Variants in ATP8A2 observed in about 807,000 individuals in gnomAD.
ATP8A2 encodes phospholipid-transporting ATPase IB.
Under a neutral mutation model 165.6 loss-of-function variants are expected in ATP8A2, and 100 were observed. The observed-to-expected ratio is 0.60, with a 90% confidence interval of 0.51 to 0.71. The LOEUF is 0.71. Ranked by LOEUF, ATP8A2 falls within the 30% of genes least tolerant of loss-of-function variation. The pLI, the probability that ATP8A2 is intolerant of heterozygous loss-of-function variation, is 0.00. For synonymous variants in ATP8A2, 543 were observed against 548.8 expected (o/e 0.99, Z 0.15); for missense variants, 1,227 against 1,479.5 (o/e 0.83, Z 2.80).
At chr13:25,786,054 G>A (rs1178641238) in intron 27 of ATP8A2, among the ~76,000 whole-genome samples, 3 of 152,160 alleles carry the variant, frequency 2.0e-5, no homozygotes, top group Non-Finnish European at 4.4e-5. Context: ...CAAGTAAAAT[G>A]TAATTATTTA....
intron 24 of ATP8A2, among the ~76,000 whole-genome samples, chr13:25,682,023 G>C (rs2042498775): frequency 6.6e-6 from 1 of 152,134 alleles, no homozygotes; most frequent in South Asian, 2.1e-4. Flanking sequence ...ATGCACTGAA[G>C]AAAAACGCGT....
At chr13:25,866,917 C>T (rs762390752) in intron 33 of ATP8A2, among the ~76,000 whole-genome samples, 3 of 152,158 alleles carry the variant, frequency 2.0e-5, no homozygotes, top group Admixed American at 6.6e-5. Context: ...CGGTGACCAC[C>T]GTAAGGGCAG....
intron 35 of ATP8A2, among the ~76,000 whole-genome samples, chr13:26,002,539 A>G (rs1224841770): frequency 1.3e-5 from 2 of 151,236 alleles, no homozygotes; most frequent in Non-Finnish European, 2.9e-5. Context: ...GGCTGTGCAC[A>G]TGTACCCTAG....
chr13:25,479,690 C>T (rs1006080771), intron 2 of ATP8A2, among the ~76,000 whole-genome samples: 2 of 151,958 alleles, frequency 1.3e-5, no homozygotes, highest in Admixed American at 6.6e-5. Context: ...GTGGTGATGA[C>T]TCTTAAGGAG....
chr13:25,920,216 C>G (rs545927094), intron 33 of ATP8A2, among the ~76,000 whole-genome samples: 66 of 152,292 alleles, frequency 4.3e-4, no homozygotes, highest in Admixed American at 9.8e-4. Context: ...GGGTTCTACA[C>G]CTCAGCATTG....
At chr13:25,847,508 G>A (rs571211509) in intron 30 of ATP8A2, among the ~76,000 whole-genome samples, 38 of 152,224 alleles carry the variant, frequency 2.5e-4, no homozygotes, top group African/African-American at 7.0e-4. Flanking sequence ...TCTGTGTTGC[G>A]CGTATTTTAG....
At chr13:25,739,488 GA>G (rs1457372613) in intron 25 of ATP8A2, among the ~76,000 whole-genome samples, 3 of 152,084 alleles carry the variant, frequency 2.0e-5, no homozygotes, top group African/African-American at 7.2e-5. Context: ...ATATAACGTA[GA>G]GGGAGGTTTT....
chr13:25,727,465 T>C (rs1471338406), intron 25 of ATP8A2, among the ~76,000 whole-genome samples: 3 of 152,130 alleles, frequency 2.0e-5, no homozygotes, highest in African/African-American at 7.2e-5. Flanking sequence ...GAAAAGCAAA[T>C]ATCTCAGGCC....
chr13:25,878,937 C>T (rs1952894955), intron 33 of ATP8A2, among the ~76,000 whole-genome samples: 1 of 152,192 alleles, frequency 6.6e-6, no homozygotes, highest in Non-Finnish European at 1.5e-5. Flanking sequence ...TTCACTCCTG[C>T]AGCTGTGTCG....
chr13:25,550,534 C>A (rs1057029909), intron 10 of ATP8A2, among the ~76,000 whole-genome samples: 4 of 152,180 alleles, frequency 2.6e-5, no homozygotes, highest in Admixed American at 2.6e-4. Context: ...ATTCTTGAAT[C>A]TAGCCTTAAT....
chr13:25,655,086 T>C (rs2041898272), intron 24 of ATP8A2, among the ~76,000 whole-genome samples: 1 of 152,180 alleles, frequency 6.6e-6, no homozygotes, highest in South Asian at 2.1e-4. Flanking sequence ...AGTTTTACAT[T>C]CTACATTGAG....
chr13:25,970,372 GAAC>G (rs1955885771), intron 35 of ATP8A2, among the ~76,000 whole-genome samples: 5 of 152,206 alleles, frequency 3.3e-5, no homozygotes, highest in Admixed American at 3.3e-4. Flanking sequence ...GGAGATGGAT[GAAC>G]AACAGGCTTT....
intron 10 of ATP8A2, among the ~76,000 whole-genome samples, chr13:25,546,694 G>A (rs2038661426): frequency 6.6e-6 from 1 of 152,142 alleles, no homozygotes; most frequent in Non-Finnish European, 1.5e-5. Flanking sequence ...AACAAATCAT[G>A]CACTATTTTG....
intron 25 of ATP8A2, among the ~76,000 whole-genome samples, chr13:25,761,078 G>C (rs1169584033): frequency 6.6e-6 from 1 of 152,176 alleles, no homozygotes; most frequent in Non-Finnish European, 1.5e-5. Flanking sequence ...TCCTGGTGTT[G>C]TGACCTTAGC....
At chr13:25,553,747 A>T (rs986474079) in intron 11 of ATP8A2, 46 bp from the exon 12 acceptor site, 1 of 1,579,006 alleles carries the variant, frequency 6.3e-7, no homozygotes, top group Non-Finnish European at 8.6e-7. Context: ...GAGCCAATAG[A>T]CTTTGGTTGT....
intron 1 of ATP8A2, among the ~76,000 whole-genome samples, chr13:25,402,226 A>T (rs1697932008): frequency 6.6e-6 from 1 of 152,232 alleles, no homozygotes; most frequent in Admixed American, 6.5e-5. Flanking sequence ...TCAGAACAGC[A>T]TGCAGTTTAA....
chr13:25,976,683 G>T (rs1956047707), intron 35 of ATP8A2, among the ~76,000 whole-genome samples: 1 of 152,088 alleles, frequency 6.6e-6, no homozygotes, highest in Admixed American at 6.5e-5. Context: ...CTTGGACCAA[G>T]CAGAGAAATC....
chr13:25,432,434 G>T (rs554170), intron 1 of ATP8A2, among the ~76,000 whole-genome samples: 1 of 152,334 alleles, frequency 6.6e-6, no homozygotes, highest in South Asian at 2.1e-4. Context: ...CATGTCAGGT[G>T]ACATTCTTTC....
chr13:25,571,168 T>C (rs1453928354), intron 17 of ATP8A2, among the ~76,000 whole-genome samples: 1 of 152,206 alleles, frequency 6.6e-6, no homozygotes, highest in Non-Finnish European at 1.5e-5. Context: ...AGCTGGCTTC[T>C]TCCTCATCCT....
Sources: allele counts gnomAD v4.1 joint callset (sites outside exome capture counted in the v4.1 genomes callset), GRCh38; gene constraint gnomAD v4.1.1; transcripts MANE v1.5; gene names NCBI Gene and HGNC (gene_info 2026-07-23, HGNC 2026-07-21).